The following CLEC16A variants were observed in gnomAD, a reference collection of about 807,000 sequenced individuals.
CLEC16A encodes the protein protein CLEC16A.
A neutral mutation model predicts 109.5 loss-of-function variants in CLEC16A; 51 were observed. The observed-to-expected ratio is 0.47, with a 90% CI of 0.37 to 0.59. The LOEUF is 0.59. CLEC16A is among the 20% of genes least tolerant of loss of function. The pLI is 0.00. For synonymous variants in CLEC16A, 673 were observed against 564.2 expected, an observed-to-expected ratio of 1.19 and a Z score of -2.73; for missense variants, 1,339 against 1,394.0, an observed-to-expected ratio of 0.96 and a Z score of 0.63.
intron 23 of CLEC16A, among the ~76,000 whole-genome samples, chr16:11,172,806 T>C (rs1398727495): frequency 1.3e-5 from 2 of 152,122 alleles, no homozygotes; most frequent in Non-Finnish European, 2.9e-5. Context: ...GAAGAATTGC[T>C]TGAACCCGGG....
At chr16:11,051,466 T>C in intron 17 of CLEC16A, 47 bp from the exon 18 acceptor site, 6 of 1,586,166 alleles carry the variant, frequency 3.8e-6, no homozygotes, top group Non-Finnish European at 5.2e-6. Context: ...CCTTCCTCCT[T>C]CCAAGTAAGG....
intron 22 of CLEC16A, among the ~76,000 whole-genome samples, chr16:11,160,522 T>A (rs1010869027): frequency 6.6e-6 from 1 of 152,070 alleles, no homozygotes; most frequent in Non-Finnish European, 1.5e-5. Flanking sequence ...CTTTCCCTCT[T>A]TCCCTTCAGC....
chr16:11,073,979 A>G (rs538502287), intron 19 of CLEC16A, among the ~76,000 whole-genome samples: 2 of 152,358 alleles, frequency 1.3e-5, no homozygotes, highest in East Asian at 3.9e-4. Context: ...ATTAACATAC[A>G]TTTGAATAGT....
chr16:11,079,306 A>G (rs1270279645), intron 19 of CLEC16A, among the ~76,000 whole-genome samples: 1 of 152,134 alleles, frequency 6.6e-6, no homozygotes, highest in African/African-American at 2.4e-5. Context: ...AGGAGTAGAG[A>G]CTGTCCAGGC....
At chr16:11,029,591 G>A (rs2046621304) in intron 13 of CLEC16A, among the ~76,000 whole-genome samples, 1 of 151,938 alleles carries the variant, frequency 6.6e-6, no homozygotes, top group Non-Finnish European at 1.5e-5. Context: ...CCCTCTCAGG[G>A]ATCTCTCTCT....
chr16:10,974,934 G>T (rs1014141611), intron 7 of CLEC16A, among the ~76,000 whole-genome samples: 8 of 152,220 alleles, frequency 5.3e-5, no homozygotes, highest in Admixed American at 5.2e-4. Flanking sequence ...ATAACAGGAG[G>T]TCAATAGATA....
rs1430753440 is a variant in CLEC16A, at chr16:11,174,225, G to T, written c.2807-4110G>T. The stretch of plus-strand genomic sequence containing the variant: ...GGCCGACAGTCATGGCGGCCACTGG[G>T]TTTAGTGCTCCGAACGGCAGCTGCC... On this transcript the variant is annotated intron_variant, in intron 23 of 23. Coordinates refer to ENST00000409790, the MANE Select transcript of CLEC16A (RefSeq NM_015226.3). The surrounding 1 kb of genome is among the most constrained non-coding windows in gnomAD (Gnocchi z 4.7). The T allele has an allele frequency of 2.1e-6, 1 of 468,648 alleles. No homozygotes were observed. The highest frequency in any genetic ancestry group is 4.4e-6 in the Non-Finnish European group (1 of 226,952). The allele number at this position is 468,648 out of a possible 1,614,324, so 29.0% of individuals were successfully genotyped here.
At chr16:11,169,587 C>T (rs2068419898) in intron 23 of CLEC16A, among the ~76,000 whole-genome samples, 1 of 152,198 alleles carries the variant, frequency 6.6e-6, no homozygotes, top group Non-Finnish European at 1.5e-5. Context: ...ACGCCTGGCC[C>T]TCCTTTGCAC....
chr16:10,995,360 C>T (rs1458118086), intron 10 of CLEC16A, among the ~76,000 whole-genome samples: 1 of 152,256 alleles, frequency 6.6e-6, no homozygotes, highest in Non-Finnish European at 1.5e-5. Context: ...TTGTACCTTG[C>T]TGTGTACCTT....
chr16:11,061,610 C>T (rs776593451), intron 19 of CLEC16A, among the ~76,000 whole-genome samples: 3 of 152,198 alleles, frequency 2.0e-5, no homozygotes, highest in Non-Finnish European at 4.4e-5. Context: ...GAACCCCTCT[C>T]GTATTTGTAT....
At chr16:11,139,424 C>G (rs932816824) in intron 22 of CLEC16A, among the ~76,000 whole-genome samples, 2 of 152,210 alleles carry the variant, frequency 1.3e-5, no homozygotes, top group Non-Finnish European at 2.9e-5. Context: ...TATAAATATG[C>G]TTTTCTCCAA....
intron 19 of CLEC16A, among the ~76,000 whole-genome samples, chr16:11,077,057 G>C (rs2049416251): frequency 2.0e-5 from 3 of 152,208 alleles, no homozygotes; most frequent in African/African-American, 7.2e-5. Flanking sequence ...TAAAAACAAA[G>C]AGCAGGGCCG....
intron 19 of CLEC16A, among the ~76,000 whole-genome samples, chr16:11,065,237 A>G (rs576264894): frequency 1.2e-4 from 19 of 152,242 alleles, no homozygotes; most frequent in African/African-American, 4.6e-4. Flanking sequence ...TCCAAATATC[A>G]TGAGCAACCA....
intron 19 of CLEC16A, among the ~76,000 whole-genome samples, chr16:11,087,878 C>A (rs2050095773): frequency 1.3e-5 from 2 of 152,238 alleles, no homozygotes. Flanking sequence ...GAGGCCTACC[C>A]AGTTTGAGGC....
chr16:11,166,701 G>T (rs1567413108), intron 23 of CLEC16A, 149 bp downstream of exon 23: 5 of 842,836 alleles, frequency 5.9e-6, no homozygotes, highest in Non-Finnish European at 8.6e-6. Context: ...AGCCTCTAGA[G>T]ATTCCTCTAA....
chr16:11,121,269 T>C (rs2052388758), intron 20 of CLEC16A, among the ~76,000 whole-genome samples: 1 of 152,234 alleles, frequency 6.6e-6, no homozygotes, highest in South Asian at 2.1e-4. Context: ...TAGCAAGGCA[T>C]ACTTAACCCA....
At chr16:11,031,786 C>T (rs11649148) in intron 13 of CLEC16A, among the ~76,000 whole-genome samples, 152,287 of 152,314 alleles carry the variant, frequency 1, 76,130 homozygotes, top group Middle Eastern at 1. Context: ...CTAGGTAATG[C>T]GGTGGGGCAG....
chr16:11,172,689 G>C (rs897105812), intron 23 of CLEC16A, among the ~76,000 whole-genome samples: 5 of 152,140 alleles, frequency 3.3e-5, no homozygotes, highest in Non-Finnish European at 5.9e-5. Context: ...AGGAGTTCGA[G>C]ACCAGCCTGG....
chr16:11,038,355 A>T (rs1420567952), intron 13 of CLEC16A, among the ~76,000 whole-genome samples: 1 of 152,200 alleles, frequency 6.6e-6, no homozygotes, highest in Non-Finnish European at 1.5e-5. Flanking sequence ...ACAGGAAAAG[A>T]CGTGGTACAA....
Sources: gnomAD v4.1 joint callset for allele counts (sites outside exome capture counted in the v4.1 genomes callset) on GRCh38, gnomAD v4.1.1 for gene constraint, Gnocchi (gnomAD v3.1) non-coding constraint, MANE v1.5 for transcripts, NCBI Gene and HGNC (gene_info 2026-07-23, HGNC 2026-07-21) for gene names.